ERBB4: variants seen among roughly 807,000 people sequenced by gnomAD.
ERBB4 encodes receptor tyrosine-protein kinase erbB-4.
Under a neutral mutation model 158.0 loss-of-function variants are expected in ERBB4, and 42 were observed. The observed-to-expected ratio is 0.27, with a 90% CI of 0.21 to 0.34. The LOEUF (loss-of-function observed/expected upper bound fraction) is 0.34. Among genes scored for constraint, ERBB4 ranks in the 10% least tolerant of loss-of-function variants. The pLI, the probability that ERBB4 is intolerant of heterozygous loss-of-function variation, is 1.00. For synonymous variants in ERBB4, 583 were observed against 558.7 expected, an observed-to-expected ratio of 1.04 and a Z score of -0.61; for missense variants, 1,333 against 1,624.1, an observed-to-expected ratio of 0.82 and a Z score of 3.08.
intron 2 of ERBB4, among the ~76,000 whole-genome samples, chr2:212,088,591 A>G (rs899109078): frequency 6.6e-6 from 1 of 152,082 alleles, no homozygotes; most frequent in Admixed American, 6.6e-5. Flanking sequence ...AGCAGCTAAG[A>G]GTCTCAGGAT....
At chr2:212,328,954 T>C (rs17419114) in intron 1 of ERBB4, among the ~76,000 whole-genome samples, 3,661 of 152,156 alleles carry the variant, frequency 0.024, 63 homozygotes, top group Non-Finnish European at 0.037. Context: ...CTGAACATGA[T>C]ATTTGATAAC....
At position 211,380,558 on chromosome 2, in the gene ERBB4, G is replaced by T. The variant is rs114956634; in HGVS notation, c.*3057C>A. ...GACATTTTAAAATTCTACCCTACTGGACTAAATAAGTTATTCTCTGGAAGG... is the reference window on the plus strand; with the variant it reads ...GACATTTTAAAATTCTACCCTACTGTACTAAATAAGTTATTCTCTGGAAGG... On this transcript the variant is annotated 3_prime_UTR_variant, in exon 28 of 28. Coordinates refer to ENST00000342788, the MANE Select transcript of ERBB4 (RefSeq NM_005235.3). 5.2e-3 allele frequency: 1,200 copies of T among 232,006 alleles called. 4 individuals carry two copies. Among genetic ancestry groups the T allele is most frequent in the Non-Finnish European group, 7.2e-3 (842 of 117,412 alleles). The allele number at this position is 232,006 out of a possible 1,614,324, so 14.4% of individuals were successfully genotyped here. A position where few individuals can be genotyped will look rare whatever the true frequency, so the allele number is the denominator to read the frequency against.
chr2:212,088,269 G>C (rs1009972561), intron 2 of ERBB4, among the ~76,000 whole-genome samples: 1 of 152,030 alleles, frequency 6.6e-6, no homozygotes, highest in African/African-American at 2.4e-5. Flanking sequence ...TCCTATTACA[G>C]GTATCACCTT....
At chr2:211,519,536 C>G (rs192575598) in intron 20 of ERBB4, among the ~76,000 whole-genome samples, 1 of 152,108 alleles carries the variant, frequency 6.6e-6, no homozygotes, top group African/African-American at 2.4e-5. Context: ...TAAATTTTCT[C>G]AAAAAGCAAA....
At chr2:211,807,076 C>T (rs2076635701) in intron 3 of ERBB4, among the ~76,000 whole-genome samples, 1 of 151,584 alleles carries the variant, frequency 6.6e-6, no homozygotes, top group Non-Finnish European at 1.5e-5. Context: ...TAAATATATT[C>T]AGAGATATGT....
intron 1 of ERBB4, among the ~76,000 whole-genome samples, chr2:212,413,627 G>A (rs187033764): frequency 2.0e-5 from 3 of 152,028 alleles, no homozygotes; most frequent in Non-Finnish European, 2.9e-5. Context: ...CTAGTAATAC[G>A]ATATGGGAAC....
chr2:211,805,389 A>G (rs2076591361), intron 3 of ERBB4, among the ~76,000 whole-genome samples: 1 of 152,240 alleles, frequency 6.6e-6, no homozygotes, highest in African/African-American at 2.4e-5. Context: ...TGGAAAGGAA[A>G]TCAGTGGAGA....
chr2:212,260,126 C>T (rs542221512), intron 1 of ERBB4, among the ~76,000 whole-genome samples: 8 of 150,396 alleles, frequency 5.3e-5, no homozygotes, highest in Admixed American at 2.6e-4. Context: ...ATATATGAAA[C>T]AAACTCTCCT....
intron 3 of ERBB4, among the ~76,000 whole-genome samples, chr2:211,931,866 C>T (rs927820929): frequency 6.6e-6 from 1 of 151,982 alleles, no homozygotes; most frequent in African/African-American, 2.4e-5. Context: ...TTGAGAACTG[C>T]ATAAGAAAAG....
chr2:211,409,578 G>T (rs1359635650), intron 25 of ERBB4, among the ~76,000 whole-genome samples: 1 of 152,070 alleles, frequency 6.6e-6, no homozygotes, highest in Non-Finnish European at 1.5e-5. Flanking sequence ...ATTAACTCTT[G>T]ATTACAGGGA....
chr2:211,776,286 T>G (rs59568831), intron 4 of ERBB4, among the ~76,000 whole-genome samples: 21,795 of 152,180 alleles, frequency 0.14, 1,763 homozygotes, highest in South Asian at 0.33. Context: ...TATTAGCTTG[T>G]GTTAATCATA....
At chr2:211,630,710 G>C (rs1332497024) in intron 16 of ERBB4, 116 bp from the exon 17 acceptor site, 1 of 942,932 alleles carries the variant, frequency 1.1e-6, no homozygotes, top group Admixed American at 2.4e-5. Flanking sequence ...TAGTCATTTA[G>C]ATGAAATGCA....
At chr2:211,388,877 C>T (rs1381240716) in intron 25 of ERBB4, among the ~76,000 whole-genome samples, 1 of 152,082 alleles carries the variant, frequency 6.6e-6, no homozygotes, top group African/African-American at 2.4e-5. Flanking sequence ...TTTTTGAGAA[C>T]CTACTGTCTA....
At chr2:212,086,036 T>C (rs184010089) in intron 2 of ERBB4, among the ~76,000 whole-genome samples, 229 of 152,074 alleles carry the variant, frequency 1.5e-3, no homozygotes, top group Non-Finnish European at 1.9e-3. Context: ...ATCCTAATCA[T>C]TGACATGGTT....
At chr2:211,593,290 T>C (rs73988608) in intron 19 of ERBB4, among the ~76,000 whole-genome samples, 7,215 of 152,260 alleles carry the variant, frequency 0.047, 586 homozygotes, top group African/African-American at 0.16. Context: ...AGAATATTTA[T>C]TGAAGTGTGG....
intron 1 of ERBB4, among the ~76,000 whole-genome samples, chr2:212,255,954 G>A (rs2084715090): frequency 6.6e-6 from 1 of 151,606 alleles, no homozygotes; most frequent in Non-Finnish European, 1.5e-5. Context: ...CTGAGTACCT[G>A]GGACTACAGA....
intron 15 of ERBB4, among the ~76,000 whole-genome samples, chr2:211,660,869 T>C (rs1352317484): frequency 6.6e-6 from 1 of 152,184 alleles, no homozygotes; most frequent in Admixed American, 6.5e-5. Flanking sequence ...TGTAGTCTCA[T>C]GGAAGTCAAA....
At chr2:211,850,035 C>G (rs2077681226) in intron 3 of ERBB4, among the ~76,000 whole-genome samples, 2 of 151,978 alleles carry the variant, frequency 1.3e-5, no homozygotes, top group South Asian at 2.1e-4. Context: ...CACACTGATG[C>G]TTTTTAACAT....
At chr2:212,389,034 G>A (rs577303484) in intron 1 of ERBB4, among the ~76,000 whole-genome samples, 3 of 152,174 alleles carry the variant, frequency 2.0e-5, no homozygotes, top group Admixed American at 1.3e-4. Context: ...AGAAACTGGT[G>A]AAAAAGTGTA....
Sources: gnomAD v4.1 joint callset for allele counts (sites outside exome capture counted in the v4.1 genomes callset) on GRCh38, gnomAD v4.1.1 for gene constraint, MANE v1.5 for transcripts, NCBI Gene and HGNC (gene_info 2026-07-23, HGNC 2026-07-21) for gene names.